Variants in PLXDC2 observed in about 807,000 individuals in gnomAD.
The protein encoded by PLXDC2 is plexin domain-containing protein 2.
A neutral mutation model predicts 68.9 loss-of-function variants in PLXDC2; 40 were observed. The ratio of observed to expected loss-of-function variants is 0.58; its 90% CI spans 0.45 to 0.76. PLXDC2 has a LOEUF of 0.76. Among genes scored for constraint, PLXDC2 ranks in the 30% least tolerant of loss-of-function variants. The probability of loss-of-function intolerance (pLI) is 0.00; values close to 1 mark genes in which losing one functional copy is unlikely to be tolerated. For synonymous variants in PLXDC2, 243 were observed against 234.2 expected (o/e 1.04, Z -0.34); for missense variants, 644 against 661.9 (o/e 0.97, Z 0.30).
chr10:20,219,301 A>T (rs577270429), intron 12 of PLXDC2, among the ~76,000 whole-genome samples, 199 bp downstream of exon 12: 8 of 152,298 alleles, frequency 5.3e-5, no homozygotes, highest in African/African-American at 1.9e-4. Context: ...TTTGTGTATA[A>T]AACTGTGACA....
At chr10:20,169,462 A>G (rs893785605) in intron 7 of PLXDC2, among the ~76,000 whole-genome samples, 3 of 152,136 alleles carry the variant, frequency 2.0e-5, no homozygotes, top group African/African-American at 7.2e-5. Context: ...CTATTAAGTA[A>G]TTCTTTCTCA....
chr10:19,860,171 G>A (rs1358137336), intron 1 of PLXDC2, among the ~76,000 whole-genome samples: 1 of 152,170 alleles, frequency 6.6e-6, no homozygotes, highest in Admixed American at 6.5e-5. Flanking sequence ...CCCCAAGGGG[G>A]TCTGGCCTCT....
intron 1 of PLXDC2, among the ~76,000 whole-genome samples, chr10:19,922,985 G>T (rs977111230): frequency 2.0e-5 from 3 of 152,034 alleles, no homozygotes; most frequent in Non-Finnish European, 4.4e-5. Context: ...GATTTCAAAG[G>T]AAATCTGATC....
At chr10:20,154,169 C>G (rs1834187692) in intron 6 of PLXDC2, among the ~76,000 whole-genome samples, 1 of 152,054 alleles carries the variant, frequency 6.6e-6, no homozygotes, top group Non-Finnish European at 1.5e-5. Context: ...ATTAAGTTGC[C>G]ATTAAATAGT....
At chr10:19,945,557 T>C (rs1337384473) in intron 1 of PLXDC2, among the ~76,000 whole-genome samples, 6 of 152,174 alleles carry the variant, frequency 3.9e-5, no homozygotes, top group African/African-American at 1.4e-4. Context: ...ACAGCCCAGA[T>C]GGAATGGAGG....
chr10:20,262,285 A>G (rs1019915308), intron 13 of PLXDC2, among the ~76,000 whole-genome samples: 7 of 152,110 alleles, frequency 4.6e-5, no homozygotes, highest in African/African-American at 1.7e-4. Context: ...CTCGTTGCTT[A>G]TTTGCTCTAC....
At chr10:19,914,842 GT>G (rs2131376500) in intron 1 of PLXDC2, among the ~76,000 whole-genome samples, 1 of 152,208 alleles carries the variant, frequency 6.6e-6, no homozygotes, top group East Asian at 1.9e-4. Context: ...TGGATTGACA[GT>G]TTTATCAAGA....
At position 20,288,747 on chromosome 10, in the gene PLXDC2, G is replaced by A. The variant is rs1164761003; in HGVS notation, c.*8928G>A. The A allele has an allele frequency of 6.6e-6, 1 of 152,078 alleles. No homozygotes were observed. The highest frequency in any genetic ancestry group is 1.5e-5 in the Non-Finnish European group (1 of 68,016). 9.4% of individuals were successfully genotyped at this position (152,078 alleles called of 1,614,324 possible). On this transcript the variant is annotated 3_prime_UTR_variant, in exon 14 of 14. Transcript: ENST00000377252. ...ACCAAGTTTCTCTGCAGCTCTTTCG[G>A]TTCTGCTTACAGTGTGTGGGAAATC...
intron 1 of PLXDC2, among the ~76,000 whole-genome samples, chr10:19,951,524 G>A (rs1280706235): frequency 3.3e-5 from 5 of 152,212 alleles, no homozygotes; most frequent in Non-Finnish European, 7.3e-5. Context: ...AGGCTGTGGA[G>A]AAAAGGGAAT....
At chr10:20,109,429 C>T (rs763808549) in intron 4 of PLXDC2, among the ~76,000 whole-genome samples, 2 of 152,086 alleles carry the variant, frequency 1.3e-5, no homozygotes, top group Non-Finnish European at 2.9e-5. Flanking sequence ...TTTGTTACTC[C>T]CTGAGAGATA....
At chr10:20,273,452 C>T (rs1043647680) in intron 13 of PLXDC2, among the ~76,000 whole-genome samples, 3 of 152,146 alleles carry the variant, frequency 2.0e-5, no homozygotes, top group African/African-American at 7.2e-5. Context: ...AGCTTCAATA[C>T]TCCACTGCTG....
In PLXDC2 at chr10:20,049,282, C is replaced by A. The variant is rs181405594; in HGVS notation, c.471+2267C>A. Among the ~76,000 whole-genome samples, 71 of 152,214 alleles carry A rather than the reference C, an allele frequency of 4.7e-4. 1 individual carries two copies. In the East Asian group the frequency reaches 7.3e-3, roughly 16 times the overall value. On this transcript the variant is annotated intron_variant, in intron 3 of 13. Transcript: ENST00000377252. ...CCGAATGGGCAAAAGCTGAAACATT[C>A]CCCTTGAAAACTGGCACAACACAAG... is the stretch of plus-strand genomic sequence containing the variant.
intron 9 of PLXDC2, among the ~76,000 whole-genome samples, chr10:20,202,955 T>A (rs1834940730): frequency 6.6e-6 from 1 of 152,142 alleles, no homozygotes; most frequent in African/African-American, 2.4e-5. Flanking sequence ...GTCATCCCTG[T>A]AAAGCCCTGA....
chr10:20,203,451 T>C (rs1222196769), intron 9 of PLXDC2, among the ~76,000 whole-genome samples: 1 of 151,848 alleles, frequency 6.6e-6, no homozygotes, highest in East Asian at 1.9e-4. Flanking sequence ...ACTACAGGCA[T>C]GCACCACCAT....
chr10:20,153,729 C>T (rs1834179932), intron 6 of PLXDC2, among the ~76,000 whole-genome samples: 1 of 152,100 alleles, frequency 6.6e-6, no homozygotes, highest in African/African-American at 2.4e-5. Context: ...GAAAAGGAAC[C>T]TGAAATACCC....
chr10:19,986,539 A>G (rs1380686889), intron 1 of PLXDC2, among the ~76,000 whole-genome samples: 4 of 123,806 alleles, frequency 3.2e-5, no homozygotes, highest in Non-Finnish European at 7.6e-5. Context: ...TGATGGCTTA[A>G]AAAAAAAACA....
chr10:20,219,160 A>G lies in PLXDC2; in HGVS notation c.1312+58A>G. The G allele has an allele frequency of 2.0e-6, 3 of 1,536,464 alleles. No individual in the cohort carries two copies. The South Asian group carries it at 3.5e-5, about 18-fold the overall frequency. The stretch of plus-strand genomic sequence containing the variant: ...TTTTAAATATGAATTCATTTCATTT[A>G]TTTTACTATGAGAAAGGCAATACGG... On this transcript the variant is annotated intron_variant, in intron 12 of 13. Coordinates refer to ENST00000377252, the MANE Select transcript of PLXDC2 (RefSeq NM_032812.9).
chr10:19,921,661 A>G (rs1042231727), intron 1 of PLXDC2, among the ~76,000 whole-genome samples: 3 of 152,184 alleles, frequency 2.0e-5, no homozygotes, highest in African/African-American at 7.2e-5. Context: ...TTAAGGTTGC[A>G]GCTTTAGCTT....
At chr10:20,263,785 G>A (rs956666041) in intron 13 of PLXDC2, among the ~76,000 whole-genome samples, 8 of 152,064 alleles carry the variant, frequency 5.3e-5, no homozygotes, top group African/African-American at 1.7e-4. Flanking sequence ...TCTTACACCC[G>A]TCAGAATGGC....
Sources: gnomAD v4.1 joint callset for allele counts (sites outside exome capture counted in the v4.1 genomes callset) on GRCh38, gnomAD v4.1.1 for gene constraint, MANE v1.5 for transcripts, NCBI Gene and HGNC (gene_info 2026-07-23, HGNC 2026-07-21) for gene names.